Variants in DMD observed in about 807,000 individuals in gnomAD.
DMD encodes the protein dystrophin.
Under a neutral mutation model 330.1 loss-of-function variants are expected in DMD, and 63 were observed. The observed-to-expected ratio is 0.19, with a 90% CI of 0.16 to 0.24. The LOEUF is 0.24. Among genes scored for constraint, DMD ranks in the 10% least tolerant of loss-of-function variants. DMD has a pLI of 1.00. For synonymous variants in DMD, 1,223 were observed against 959.8 expected, an observed-to-expected ratio of 1.27 and a Z score of -5.07; for missense variants, 3,344 against 2,684.1, an observed-to-expected ratio of 1.25 and a Z score of -5.43.
chrX:32,321,340 G>C (rs1052157010), intron 41 of DMD, among the ~76,000 whole-genome samples: 2 of 111,452 alleles, frequency 1.8e-5, no homozygotes, highest in African/African-American at 3.3e-5. Flanking sequence ...CAGGTGAAGA[G>C]AGAATGATGA....
chrX:33,256,900 A>G (rs977710075), intron 1 of DMD, among the ~76,000 whole-genome samples: 2 of 110,848 alleles, frequency 1.8e-5, no homozygotes, highest in Non-Finnish European at 3.8e-5. Flanking sequence ...CTTCTTTAGT[A>G]TTAATAAAAT....
chrX:32,082,403 T>TCTAC (rs2096399244), intron 44 of DMD, among the ~76,000 whole-genome samples: 1 of 103,368 alleles, frequency 9.7e-6, no homozygotes, highest in Non-Finnish European at 2.0e-5. Flanking sequence ...TATCTATCTA[T>TCTAC]CTATCTATCT....
rs201630574 is a variant in DMD at position 32,700,627 on chromosome X, G to A, written c.650-1334C>T. 1.1e-4 allele frequency among the ~76,000 whole-genome samples: 12 copies of A among 111,406 alleles called. No homozygotes were observed. In the East Asian group the frequency reaches 1.7e-3, roughly 16 times the overall value. ...TAGTTCAATGTAGCCATTCCAGAAC[G>A]TATACATATTTCAAAACATCGTGTT... is the stretch of plus-strand genomic sequence containing the variant. On this transcript the variant is annotated intron_variant, in intron 7 of 78. Transcript: ENST00000357033.
chrX:33,228,406 C>T (rs1401576875), intron 1 of DMD, among the ~76,000 whole-genome samples: 1 of 108,391 alleles, frequency 9.2e-6, no homozygotes, highest in Non-Finnish European at 1.9e-5. Context: ...TTTTCATATT[C>T]TGAGGTAATA....
intron 60 of DMD, among the ~76,000 whole-genome samples, chrX:31,440,021 A>G (rs2064817547): frequency 8.9e-6 from 1 of 111,825 alleles, no homozygotes; most frequent in South Asian, 3.7e-4. Context: ...GGGTTCATTA[A>G]TCCATTGGTT....
chrX:32,103,754 G>C (rs1328781678), intron 44 of DMD, among the ~76,000 whole-genome samples: 2 of 112,141 alleles, frequency 1.8e-5, no homozygotes, highest in Non-Finnish European at 3.8e-5. Context: ...CTGCTAAGTT[G>C]AGAGACCTGT....
chrX:32,720,832 A>T, intron 7 of DMD, among the ~76,000 whole-genome samples: 1 of 111,640 alleles, frequency 9.0e-6, no homozygotes, highest in East Asian at 2.8e-4. Context: ...AAATTTATTT[A>T]TCCCACATAA....
intron 1 of DMD, among the ~76,000 whole-genome samples, chrX:33,061,767 T>C (rs1376155637): frequency 9.0e-6 from 1 of 111,550 alleles, no homozygotes; most frequent in African/African-American, 3.3e-5. Flanking sequence ...TCCAGAGGTG[T>C]GTGGGAAACC....
intron 7 of DMD, among the ~76,000 whole-genome samples, chrX:32,767,639 C>G (rs370018222): frequency 9.0e-6 from 1 of 111,479 alleles, no homozygotes; most frequent in Admixed American, 9.6e-5. Flanking sequence ...AACAAAGCAT[C>G]TAATTACTTG....
At chrX:32,748,371 AAAAG>A (rs1468063152) in intron 7 of DMD, among the ~76,000 whole-genome samples, 1 of 109,780 alleles carries the variant, frequency 9.1e-6, no homozygotes, top group African/African-American at 3.3e-5. Context: ...AAAAGAAAAG[AAAAG>A]AAAAAGAAAA....
chrX:33,191,913 G>A (rs746964015), intron 1 of DMD, among the ~76,000 whole-genome samples: 2 of 112,206 alleles, frequency 1.8e-5, no homozygotes, highest in Admixed American at 1.9e-4. Flanking sequence ...TCATCGTTAA[G>A]CAACAATCAC....
intron 1 of DMD, among the ~76,000 whole-genome samples, chrX:33,219,326 G>GTGTC (rs760217664): frequency 3.5e-5 from 3 of 85,678 alleles, no homozygotes; most frequent in Non-Finnish European, 6.6e-5. Context: ...GTGTGTGTGT[G>GTGTC]TGTGTGTGTG....
At chrX:32,709,458 A>G (rs57007506) in intron 7 of DMD, among the ~76,000 whole-genome samples, 1 of 111,624 alleles carries the variant, frequency 9.0e-6, no homozygotes, top group Non-Finnish European at 1.9e-5. Flanking sequence ...ATAGAATTTG[A>G]TGTATGTGTT....
intron 42 of DMD, among the ~76,000 whole-genome samples, chrX:32,309,696 T>A (rs2097554276): frequency 9.0e-6 from 1 of 111,100 alleles, no homozygotes; most frequent in Admixed American, 9.6e-5. Flanking sequence ...AAAAACAATA[T>A]ACATTACATA....
intron 1 of DMD, among the ~76,000 whole-genome samples, chrX:33,242,221 T>C (rs901416721): frequency 2.8e-4 from 31 of 111,720 alleles, no homozygotes; most frequent in Non-Finnish European, 4.7e-4. Flanking sequence ...CCAAGCAGTA[T>C]ACACAGCACC....
intron 7 of DMD, among the ~76,000 whole-genome samples, chrX:32,783,238 AC>A (rs2075017089): frequency 9.9e-6 from 1 of 100,606 alleles, no homozygotes; most frequent in African/African-American, 3.6e-5. Context: ...ACGTATATAC[AC>A]ATATGTGTAT....
At chrX:32,596,963 T>G (rs1353024418) in intron 12 of DMD, among the ~76,000 whole-genome samples, 1 of 111,751 alleles carries the variant, frequency 8.9e-6, no homozygotes, top group Non-Finnish European at 1.9e-5. Flanking sequence ...AAAGAAAATT[T>G]AACTTCTCTA....
At chrX:33,196,845 C>T (rs2050965900) in intron 1 of DMD, among the ~76,000 whole-genome samples, 1 of 111,039 alleles carries the variant, frequency 9.0e-6, no homozygotes, top group Admixed American at 9.6e-5. Flanking sequence ...TAAATATTGG[C>T]TTGTCCAGGA....
At chrX:32,713,258 A>C (rs754713365) in intron 7 of DMD, among the ~76,000 whole-genome samples, 3 of 111,584 alleles carry the variant, frequency 2.7e-5, no homozygotes, top group Middle Eastern at 4.2e-3. Context: ...CAGTGTGCTC[A>C]CCCTGAACAT....
Sources: gnomAD v4.1 joint callset for allele counts (sites outside exome capture counted in the v4.1 genomes callset) on GRCh38, gnomAD v4.1.1 for gene constraint, MANE v1.5 for transcripts, NCBI Gene and HGNC (gene_info 2026-07-23, HGNC 2026-07-21) for gene names.